FNDC1: variants seen among roughly 807,000 people sequenced by gnomAD.
FNDC1 encodes fibronectin type III domain-containing protein 1.
In FNDC1, 96 loss-of-function variants were observed where a neutral mutation model predicts 168.0. The ratio of observed to expected loss-of-function variants is 0.57; its 90% confidence interval spans 0.48 to 0.68. The LOEUF is 0.68. Among genes scored for constraint, FNDC1 ranks in the 30% least tolerant of loss-of-function variants. The probability of loss-of-function intolerance (pLI) is 0.00; values close to 1 mark genes in which losing one functional copy is unlikely to be tolerated. For missense variants in FNDC1, 2,587 were observed against 2,482.1 expected, an observed-to-expected ratio of 1.04 and a Z score of -0.90; for synonymous variants, 1,099 against 1,025.9, an observed-to-expected ratio of 1.07 and a Z score of -1.36.
intron 5 of FNDC1, among the ~76,000 whole-genome samples, chr6:159,217,313 G>A (rs542658166): frequency 2.6e-5 from 4 of 152,156 alleles, no homozygotes; most frequent in Non-Finnish European, 5.9e-5. Flanking sequence ...ACGGAAGCCC[G>A]GCGAGCCCAC....
At position 159,256,404 on chromosome 6, in the gene FNDC1, G is replaced by A. The variant is rs931105142; in HGVS notation, c.5066-119G>A. 17 of 731,656 alleles carry A rather than the reference G, an allele frequency of 2.3e-5. No individual in the cohort carries two copies. In the African/African-American group the frequency reaches 3.0e-4, roughly 13 times the overall value. 45.3% of individuals were successfully genotyped at this position (731,656 alleles called of 1,614,324 possible). A position where few individuals can be genotyped will look rare whatever the true frequency, so the allele number is the denominator to read the frequency against. On this transcript the variant is annotated intron_variant, in intron 17 of 22. Coordinates refer to ENST00000297267, the MANE Select transcript of FNDC1 (RefSeq NM_032532.3). Reference sequence around the variant, plus strand: ...CACAGTGCCGCGTGCCCTCCTTCCTGTAGTTCCCACATGGAGCTGCATCTG... The same window carrying A: ...CACAGTGCCGCGTGCCCTCCTTCCTATAGTTCCCACATGGAGCTGCATCTG...
At chr6:159,204,088 C>T (rs945073365) in intron 4 of FNDC1, among the ~76,000 whole-genome samples, 17 of 152,126 alleles carry the variant, frequency 1.1e-4, no homozygotes, top group African/African-American at 2.9e-4. Flanking sequence ...TAGTTCGCGA[C>T]GCTTGCTCAT....
intron 6 of FNDC1, among the ~76,000 whole-genome samples, chr6:159,221,927 G>A (rs1232257788): frequency 6.6e-6 from 1 of 152,184 alleles, no homozygotes; most frequent in Non-Finnish European, 1.5e-5. Context: ...ACTTCACTGT[G>A]CAGCAGATTT....
At chr6:159,241,934 C>A (rs771401872) in intron 14 of FNDC1, among the ~76,000 whole-genome samples, 1 of 152,182 alleles carries the variant, frequency 6.6e-6, no homozygotes, top group Non-Finnish European at 1.5e-5. Context: ...TGTTAGTATT[C>A]TTCTTTTTTC....
intron 1 of FNDC1, among the ~76,000 whole-genome samples, chr6:159,192,157 C>T (rs557798930): frequency 2.6e-5 from 4 of 152,312 alleles, no homozygotes; most frequent in South Asian, 4.1e-4. Context: ...GGATAACCTA[C>T]GTGAGCCACC....
chr6:159,171,630 T>C (rs1781662903), intron 1 of FNDC1, among the ~76,000 whole-genome samples: 1 of 152,166 alleles, frequency 6.6e-6, no homozygotes, highest in South Asian at 2.1e-4. Context: ...AGCCCTTCAG[T>C]GTAGGGTCAA....
rs773803116 is a variant in FNDC1 at position 159,232,741 on chromosome 6, C to A, written c.2229C>A (p.Gly743=). 6.2e-7 allele frequency: 1 copy of A among 1,613,946 alleles called. No homozygotes were observed. Among genetic ancestry groups the A allele is most frequent in the South Asian group, 1.1e-5 (1 of 91,078 alleles). ...QPHLSSPLSK[G]GKDGEDAPAT... is the part of the protein sequence containing the mutation. ...ACCTGAGCTCTCCACTTTCCAAGGG[C>A]GGGAAGGATGGTGAGGACGCCCCAG... Residue 743 remains glycine (G), a synonymous_variant, in exon 11 of 23, where the codon GGC becomes GGA. Transcript: ENST00000297267. The surrounding 1 kb of genome is among the most constrained non-coding windows in gnomAD (Gnocchi z 4.9).
At position 159,266,260 on chromosome 6, in the gene FNDC1, A is replaced by C. The variant is rs764595593; in HGVS notation, c.5446+15A>C. 1.9e-6 allele frequency: 3 copies of C among 1,613,512 alleles called. No homozygotes were observed. The highest frequency in any genetic ancestry group is 1.7e-5 in the Admixed American group (1 of 60,022). On this transcript the variant is annotated intron_variant, in intron 21 of 22. Transcript: ENST00000297267. ...CAACCTGAAAGGTAAGTCTTTGTGC[A>C]TGGTTGGCTATGGGAGGTATGGAAC...
intron 9 of FNDC1, among the ~76,000 whole-genome samples, chr6:159,228,681 T>C (rs939640851): frequency 3.3e-5 from 5 of 152,182 alleles, no homozygotes; most frequent in Non-Finnish European, 5.9e-5. Flanking sequence ...CTTTTTCTTT[T>C]TATTTTATTT....
In FNDC1 at chr6:159,236,314, G is replaced by A; in HGVS notation, c.4067G>A (p.Trp1356Ter). Residue 1356 changes from tryptophan (W) to a stop codon, truncating the protein, a stop_gained and splice_region_variant, in exon 12 of 23, where the codon TGG becomes TAG. Coordinates refer to ENST00000297267, the MANE Select transcript of FNDC1 (RefSeq NM_032532.3). LOFTEE classifies it high-confidence loss of function. ...ATCAATGGCCCTCAAGGAACAAAGTGGGTAGGGTAAACTTCTTTACACATC... is the reference window on the plus strand; with the variant it reads ...ATCAATGGCCCTCAAGGAACAAAGTAGGTAGGGTAAACTTCTTTACACATC... ...RIINGPQGTK[W>*]VVDLDRGLVL... 1 of 1,610,224 alleles carries A rather than the reference G, an allele frequency of 6.2e-7. No homozygotes were observed. The highest frequency in any genetic ancestry group is 8.5e-7 in the Non-Finnish European group (1 of 1,176,836).
intron 1 of FNDC1, among the ~76,000 whole-genome samples, chr6:159,191,035 C>A (rs971640349): frequency 2.0e-5 from 3 of 152,052 alleles, no homozygotes; most frequent in African/African-American, 4.8e-5. Flanking sequence ...ACAAGCTTGG[C>A]GGAAAGCAAA....
At position 159,232,760 on chromosome 6, in the gene FNDC1, G is replaced by A. The variant is rs1295115295; in HGVS notation, c.2248G>A (p.Ala750Thr). The A allele has an allele frequency of 1.2e-6, 2 of 1,613,836 alleles. No individual in the cohort carries two copies. Among genetic ancestry groups the A allele is most frequent in the Non-Finnish European group, 8.5e-7 (1 of 1,179,870 alleles). Residue 750 changes from alanine to threonine, a missense_variant, in exon 11 of 23, where the codon GCC (alanine) becomes ACC (threonine). Transcript: ENST00000297267. The surrounding 1 kb of genome is among the most constrained non-coding windows in gnomAD (Gnocchi z 4.9). ...CAAGGGCGGGAAGGATGGTGAGGAC[G>A]CCCCAGCCACCAACTCCAATGCGCC... is the stretch of plus-strand genomic sequence containing the variant. ...LSKGGKDGED[A>T]PATNSNAPSR...
intron 11 of FNDC1, 34 bp downstream of exon 11, chr6:159,234,513 G>T (rs1783203528): frequency 6.3e-7 from 1 of 1,597,664 alleles, no homozygotes; most frequent in African/African-American, 1.3e-5. Flanking sequence ...TTTCTTTAAG[G>T]TGTTCAGTGG....
At position 159,271,797 on chromosome 6, in the gene FNDC1, C is replaced by T. The variant is rs539653096; in HGVS notation, c.*355C>T. 16 of 191,778 alleles carry T rather than the reference C, an allele frequency of 8.3e-5. No homozygotes were observed. Among genetic ancestry groups the T allele is most frequent in the Admixed American group, 3.9e-4 (7 of 17,952 alleles). The allele number at this position is 191,778 out of a possible 1,614,324, so 11.9% of individuals were successfully genotyped here. On this transcript the variant is annotated 3_prime_UTR_variant, in exon 23 of 23. Transcript: ENST00000297267. ...AGTATTTCCAGGAATAGCATATGCA[C>T]GCTGTTCTTGCTTCATGGAATGCTA...
At position 159,197,593 on chromosome 6, in the gene FNDC1, C is replaced by A. The variant is rs200625287; in HGVS notation, c.272C>A (p.Ala91Glu). 6.2e-7 allele frequency: 1 copy of A among 1,613,162 alleles called. No individual in the cohort carries two copies. Among genetic ancestry groups the A allele is most frequent in the Non-Finnish European group, 8.5e-7 (1 of 1,179,548 alleles). Residue 91 changes from alanine (A) to glutamate (E), a missense_variant, in exon 2 of 23, where the codon GCG (alanine) becomes GAG (glutamate). Coordinates refer to ENST00000297267, the MANE Select transcript of FNDC1 (RefSeq NM_032532.3). ...AGTCTTAAATACATCAAGGTGAATG[C>A]GGAGACATACTCCTTCCTTATTGAG... is the stretch of plus-strand genomic sequence containing the variant. Reference protein sequence around the residue: ...LKSLKYIKVNAETYSFLIEDV... With the variant: ...LKSLKYIKVNEETYSFLIEDV...
At chr6:159,203,334 A>G (rs908509884) in intron 4 of FNDC1, among the ~76,000 whole-genome samples, 3 of 152,182 alleles carry the variant, frequency 2.0e-5, no homozygotes, top group African/African-American at 7.2e-5. Context: ...GGAGCCTAGG[A>G]GACACTGATA....
At chr6:159,261,530 T>C (rs976122330) in intron 19 of FNDC1, among the ~76,000 whole-genome samples, 2 of 152,100 alleles carry the variant, frequency 1.3e-5, no homozygotes, top group Non-Finnish European at 2.9e-5. Flanking sequence ...TTCAACAACA[T>C]GAGAAAGATA....
At position 159,249,207 on chromosome 6, in the gene FNDC1, G is replaced by C. The variant is rs774583041; in HGVS notation, c.4834+25G>C. On this transcript the variant is annotated intron_variant, in intron 16 of 22. Coordinates refer to ENST00000297267, the MANE Select transcript of FNDC1 (RefSeq NM_032532.3). The stretch of plus-strand genomic sequence containing the variant: ...GGTAAATATAATGTCCTTAATCAGA[G>C]AAACATGGGTTTTTAACTTGTGGTC... 5.7e-5 allele frequency: 91 copies of C among 1,588,374 alleles called. 1 individual carries two copies. The highest frequency in any genetic ancestry group is 6.8e-5 in the Non-Finnish European group (80 of 1,167,944).
Position 159,245,143 on chromosome 6 carries a change from TG to T in FNDC1, c.4622-1753del, listed in dbSNP as rs968881200. The stretch of plus-strand genomic sequence containing the variant: ...TTTACTCACTATCATGAGAACAGCA[TG>T]GGGGAAACTGCCCCCATAATCCAAT... On this transcript the variant is annotated intron_variant, in intron 14 of 22. Coordinates refer to ENST00000297267, the MANE Select transcript of FNDC1 (RefSeq NM_032532.3). Among the ~76,000 whole-genome samples, 3 of 152,134 alleles carry T rather than the reference TG, an allele frequency of 2.0e-5. No individual in the cohort carries two copies. In the South Asian group the frequency reaches 6.2e-4, roughly 32 times the overall value.
Sources: allele counts gnomAD v4.1 joint callset (sites outside exome capture counted in the v4.1 genomes callset), GRCh38; gene constraint gnomAD v4.1.1; non-coding constraint Gnocchi (gnomAD v3.1); transcripts MANE v1.5; gene names NCBI Gene and HGNC (gene_info 2026-07-23, HGNC 2026-07-21).